The following RAB27B variants were observed in gnomAD, a reference collection of about 807,000 sequenced individuals.
The protein encoded by RAB27B is RAB27B, member RAS oncogene family.
RAB27B carries 15 observed loss-of-function variants against 24.6 expected under a neutral mutation model. That is an observed-to-expected ratio of 0.61 (90% confidence interval 0.41 to 0.94). RAB27B has a LOEUF of 0.94. Ranked by LOEUF, RAB27B falls within the 40% of genes least tolerant of loss-of-function variation. The pLI, the probability that RAB27B is intolerant of heterozygous loss-of-function variation, is 0.00. For synonymous variants in RAB27B, 105 were observed against 92.5 expected (o/e 1.14, Z -0.78); for missense variants, 261 against 266.8 (o/e 0.98, Z 0.15).
chr18:54,882,157 G>A (rs951973090), intron 3 of RAB27B, among the ~76,000 whole-genome samples: 5 of 152,134 alleles, frequency 3.3e-5, no homozygotes, highest in Non-Finnish European at 5.9e-5. Context: ...TCATGATGAT[G>A]CCCTACAGAC....
At chr18:54,882,492 C>A (rs1912965008) in intron 3 of RAB27B, among the ~76,000 whole-genome samples, 2 of 152,132 alleles carry the variant, frequency 1.3e-5, no homozygotes, top group Non-Finnish European at 2.9e-5. Context: ...ATAGGCAGGC[C>A]CACCAGGAGG....
At chr18:54,878,225 T>C (rs927857537) in intron 2 of RAB27B, among the ~76,000 whole-genome samples, 1 of 152,118 alleles carries the variant, frequency 6.6e-6, no homozygotes, top group Non-Finnish European at 1.5e-5. Context: ...TGGCTTCTTA[T>C]GAACAGAATG....
At chr18:54,726,841 A>T (rs1390455474) in intron 2 of RAB27B, among the ~76,000 whole-genome samples, 1 of 152,156 alleles carries the variant, frequency 6.6e-6, no homozygotes, top group Non-Finnish European at 1.5e-5. Context: ...TCTATTTCGT[A>T]AACAATCTCT....
rs116629571 is a variant in RAB27B, at chr18:54,764,622, C to T, written c.-20+46481C>T. Among the ~76,000 whole-genome samples the T allele has an allele frequency of 6.0e-3, 907 of 152,200 alleles. 4 individuals are homozygous for T. The highest frequency in any genetic ancestry group is 0.021 in the African/African-American group (883 of 41,552). On this transcript the variant is annotated intron_variant, in intron 2 of 4. Transcript: ENST00000586570. ...TTGGATATTTGTCATTATTTCCCAA[C>T]ACAGAATCCCTCCACCAATCCTATT...
intron 2 of RAB27B, chr18:54,718,180 T>C (rs999931817): frequency 2.0e-5 from 3 of 152,184 alleles, no homozygotes; most frequent in Non-Finnish European, 4.4e-5. Flanking sequence ...GTGTTGGCTG[T>C]ATTAGTCGTG....
At chr18:54,866,479 G>A (rs751639141) in intron 1 of RAB27B, among the ~76,000 whole-genome samples, 5 of 152,212 alleles carry the variant, frequency 3.3e-5, no homozygotes, top group Non-Finnish European at 7.3e-5. Flanking sequence ...TGTATTTCCA[G>A]TAGAGACGGG....
At chr18:54,877,473 T>C (rs1912747861) in intron 1 of RAB27B, 94 bp from the exon 2 acceptor site, 2 of 1,057,758 alleles carry the variant, frequency 1.9e-6, no homozygotes, top group Admixed American at 7.9e-5. Flanking sequence ...TTCAACTTTT[T>C]AACCCTGAAA....
chr18:54,800,937 T>C lies in RAB27B; in HGVS notation c.-19-76630T>C, dbSNP rs564829215. ...GCAAACCATCAATCCATGGGCCAGA[T>C]CCAGACCACTAAATTTTATTTTATT... On this transcript the variant is annotated intron_variant, in intron 2 of 4. Transcript: ENST00000586570. Among the ~76,000 whole-genome samples the C allele has an allele frequency of 3.3e-5, 5 of 151,980 alleles. No homozygotes were observed. The East Asian group carries it at 9.6e-4, about 29-fold the overall frequency.
At chr18:54,805,621 A>G (rs575591252) in intron 2 of RAB27B, among the ~76,000 whole-genome samples, 19 of 152,332 alleles carry the variant, frequency 1.2e-4, no homozygotes, top group African/African-American at 4.3e-4. Context: ...TGTTGATGTG[A>G]AAATTCTAGC....
chr18:54,845,523 A>G (rs1911301244), intron 1 of RAB27B, among the ~76,000 whole-genome samples: 1 of 152,104 alleles, frequency 6.6e-6, no homozygotes, highest in African/African-American at 2.4e-5. Context: ...AAAAAAAGAA[A>G]ATTGTGAAAT....
intron 2 of RAB27B, among the ~76,000 whole-genome samples, chr18:54,729,020 CACCTCTT>C (rs1909644446): frequency 7.1e-6 from 1 of 140,640 alleles, no homozygotes; most frequent in African/African-American, 2.6e-5. Context: ...GGCTATTTTT[CACCTCTT>C]ATATTCATTA....
At chr18:54,725,340 T>C (rs1035622196) in intron 2 of RAB27B, among the ~76,000 whole-genome samples, 1 of 151,532 alleles carries the variant, frequency 6.6e-6, no homozygotes. Flanking sequence ...GTGAGAACCA[T>C]TTCAGGGTGA....
chr18:54,866,668 G>A (rs1199027383), intron 1 of RAB27B, among the ~76,000 whole-genome samples: 1 of 152,214 alleles, frequency 6.6e-6, no homozygotes, highest in African/African-American at 2.4e-5. Flanking sequence ...GGGGAAGAGA[G>A]GGCAGGGGTC....
At chr18:54,875,642 A>T (rs1438373977) in intron 1 of RAB27B, among the ~76,000 whole-genome samples, 5 of 152,150 alleles carry the variant, frequency 3.3e-5, no homozygotes, top group Non-Finnish European at 5.9e-5. Context: ...TTTAGAGCAA[A>T]AGTATGAATT....
intron 2 of RAB27B, among the ~76,000 whole-genome samples, chr18:54,762,664 A>G (rs1908228666): frequency 2.6e-5 from 4 of 152,160 alleles, no homozygotes. Flanking sequence ...ACATTCTGAA[A>G]GATTACTTGT....
chr18:54,797,164 C>T (rs1012115717), intron 2 of RAB27B, among the ~76,000 whole-genome samples: 7 of 152,172 alleles, frequency 4.6e-5, no homozygotes, highest in African/African-American at 1.7e-4. Flanking sequence ...CAAATGTGTG[C>T]ACAGGCATAT....
rs115936950 is a variant in RAB27B at position 54,830,328 on chromosome 18, T to C, written c.-20+1628T>C. Among the ~76,000 whole-genome samples the C allele has an allele frequency of 2.7e-3, 410 of 152,338 alleles. 1 individual carries two copies. Among genetic ancestry groups the C allele is most frequent in the African/African-American group, 9.5e-3 (393 of 41,580 alleles). ...GTCCAGGTAGTTCAGAATAGAAACCTGCTCTTTTCCCACCCTCACTCCTGC... is the reference window on the plus strand; with the variant it reads ...GTCCAGGTAGTTCAGAATAGAAACCCGCTCTTTTCCCACCCTCACTCCTGC... On this transcript the variant is annotated intron_variant, in intron 1 of 5. Transcript: ENST00000262094.
intron 2 of RAB27B, among the ~76,000 whole-genome samples, chr18:54,754,952 C>T (rs117588878): frequency 6.6e-6 from 1 of 152,250 alleles, no homozygotes; most frequent in Non-Finnish European, 1.5e-5. Flanking sequence ...CTCCTAGGCT[C>T]CTGCATCCCT....
At chr18:54,795,250 C>T (rs975388134) in intron 2 of RAB27B, among the ~76,000 whole-genome samples, 3 of 152,174 alleles carry the variant, frequency 2.0e-5, no homozygotes, top group Admixed American at 6.5e-5. Context: ...GCTAGGCCCC[C>T]AGTTTTAATG....
Sources: gnomAD v4.1 joint callset for allele counts (sites outside exome capture counted in the v4.1 genomes callset) on GRCh38, gnomAD v4.1.1 for gene constraint, MANE v1.5 for transcripts, NCBI Gene and HGNC (gene_info 2026-07-23, HGNC 2026-07-21) for gene names.